GRK5: variants seen among roughly 807,000 people sequenced by gnomAD.
GRK5 encodes the protein g protein-coupled receptor kinase GRK5.
GRK5 carries 40 observed loss-of-function variants against 78.4 expected under a neutral mutation model. The observed-to-expected ratio is 0.51, with a 90% confidence interval of 0.40 to 0.66. The LOEUF is 0.66. Among genes scored for constraint, GRK5 ranks in the 30% least tolerant of loss-of-function variants. GRK5 has a pLI of 0.00. For synonymous variants in GRK5, 289 were observed against 296.8 expected (o/e 0.97, Z 0.27); for missense variants, 598 against 759.9 (o/e 0.79, Z 2.50).
At chr10:119,315,594 C>T (rs867435933) in intron 1 of GRK5, among the ~76,000 whole-genome samples, 3 of 152,224 alleles carry the variant, frequency 2.0e-5, no homozygotes, top group South Asian at 2.1e-4. Context: ...AGCCTCCCCA[C>T]GGTGATATTT....
intron 1 of GRK5, among the ~76,000 whole-genome samples, chr10:119,250,062 C>T (rs1849176461): frequency 6.6e-6 from 1 of 152,168 alleles, no homozygotes. Flanking sequence ...CTCAAAGAGC[C>T]TCTGACCTCC....
intron 4 of GRK5, among the ~76,000 whole-genome samples, chr10:119,401,790 G>C (rs1264538715): frequency 2.0e-5 from 3 of 152,232 alleles, no homozygotes; most frequent in African/African-American, 7.2e-5. Context: ...AGAGGCCAAG[G>C]AAGGGTCGGG....
chr10:119,413,418 C>T (rs1220284996), intron 4 of GRK5, among the ~76,000 whole-genome samples: 2 of 151,504 alleles, frequency 1.3e-5, no homozygotes, highest in East Asian at 3.9e-4. Flanking sequence ...CGCGTGCACA[C>T]ACACACACAC....
At chr10:119,265,686 A>G (rs953717207) in intron 1 of GRK5, among the ~76,000 whole-genome samples, 1 of 152,158 alleles carries the variant, frequency 6.6e-6, no homozygotes, top group Non-Finnish European at 1.5e-5. Flanking sequence ...GGAGTTCTCA[A>G]CCTCCATTGG....
intron 3 of GRK5, among the ~76,000 whole-genome samples, chr10:119,391,535 C>T (rs1000418554): frequency 1.3e-5 from 2 of 152,218 alleles, no homozygotes; most frequent in Non-Finnish European, 2.9e-5. Context: ...TCCACCACCC[C>T]GCAACCTGCA....
intron 2 of GRK5, among the ~76,000 whole-genome samples, chr10:119,327,154 C>G (rs907747842): frequency 2.6e-5 from 4 of 152,122 alleles, no homozygotes; most frequent in Non-Finnish European, 4.4e-5. Flanking sequence ...CTGGGGATGT[C>G]AGTGCTCCTG....
In GRK5 at chr10:119,322,325, C is replaced by T. The variant is rs576878591; in HGVS notation, c.53-4191C>T. ...GTCCTGTGCACAGCGCAATATTTAACCACATCCTTGGCCTGCACCCACTAG... is the reference window on the plus strand; with the variant it reads ...GTCCTGTGCACAGCGCAATATTTAATCACATCCTTGGCCTGCACCCACTAG... On this transcript the variant is annotated intron_variant, in intron 1 of 15. Transcript: ENST00000392870. Among the ~76,000 whole-genome samples, 10 of 152,322 alleles carry T rather than the reference C, an allele frequency of 6.6e-5. No homozygotes were observed. In the East Asian group the frequency reaches 1.9e-3, roughly 29 times the overall value.
Position 119,267,055 on chromosome 10 carries a change from C to T in GRK5, c.52+59086C>T, listed in dbSNP as rs1849509910. Among the ~76,000 whole-genome samples, 1 of 152,150 alleles carries T rather than the reference C, an allele frequency of 6.6e-6. No homozygotes were observed. Among genetic ancestry groups the T allele is most frequent in the East Asian group, 1.9e-4 (1 of 5,152 alleles). On this transcript the variant is annotated intron_variant, in intron 1 of 15. Coordinates refer to ENST00000392870, the MANE Select transcript of GRK5 (RefSeq NM_005308.3). The surrounding 1 kb of genome is among the most constrained non-coding windows in gnomAD (Gnocchi z 4.1). ...GGTCGGGAGTTCTAACCAGCCTGACCAACATGGAGAAACCCCATCTCTACT... is the reference window on the plus strand; with the variant it reads ...GGTCGGGAGTTCTAACCAGCCTGACTAACATGGAGAAACCCCATCTCTACT...
At chr10:119,230,433 C>T (rs1348358111) in intron 1 of GRK5, among the ~76,000 whole-genome samples, 1 of 152,104 alleles carries the variant, frequency 6.6e-6, no homozygotes, top group East Asian at 1.9e-4. Context: ...ACAATCATGG[C>T]AGAAGGCAAG....
rs555183966 is a variant in GRK5, at chr10:119,439,625, A to T, written c.930-106A>T. ...GAGCCAGGAGGTGGGAAGGAAACAC[A>T]CTGTGGCCACTCAGGCCTGATTAGC... On this transcript the variant is annotated intron_variant, in intron 9 of 15. Transcript: ENST00000392870. 3.1e-6 allele frequency: 3 copies of T among 969,128 alleles called. No individual in the cohort carries two copies. In the South Asian group the frequency reaches 4.2e-5, roughly 13 times the overall value. 60.0% of individuals were successfully genotyped at this position (969,128 alleles called of 1,614,324 possible). A position where few individuals can be genotyped will look rare whatever the true frequency, so the allele number is the denominator to read the frequency against.
intron 2 of GRK5, among the ~76,000 whole-genome samples, chr10:119,363,174 G>A (rs1279206742): frequency 5.9e-5 from 9 of 151,864 alleles, no homozygotes; most frequent in South Asian, 2.1e-4. Flanking sequence ...CCAGCTACTC[G>A]GGAGGCTGAG....
intron 2 of GRK5, 82 bp from the exon 3 acceptor site, chr10:119,380,733 T>G: frequency 1.2e-6 from 1 of 814,794 alleles, no homozygotes; most frequent in East Asian, 2.5e-5. Context: ...TCTAGGGCTC[T>G]GAGCCCAGGT....
intron 2 of GRK5, chr10:119,377,864 T>A (rs1353422612): frequency 6.5e-6 from 1 of 154,362 alleles, no homozygotes; most frequent in East Asian, 1.9e-4. Context: ...AAAATGGAAT[T>A]TGACACAAGG....
At chr10:119,275,611 T>TCTCTCG (rs574879389) in intron 1 of GRK5, among the ~76,000 whole-genome samples, 10,442 of 123,746 alleles carry the variant, frequency 0.084, 457 homozygotes, top group South Asian at 0.14. Context: ...TCTCTCTCTC[T>TCTCTCG]CGCACACACA....
intron 4 of GRK5, among the ~76,000 whole-genome samples, chr10:119,417,843 C>G (rs1852492919): frequency 6.6e-6 from 1 of 152,146 alleles, no homozygotes; most frequent in South Asian, 2.1e-4. Context: ...TACTTATGTT[C>G]CAAGTGATGG....
At chr10:119,272,566 A>C (rs1370211537) in intron 1 of GRK5, among the ~76,000 whole-genome samples, 1 of 120,008 alleles carries the variant, frequency 8.3e-6, no homozygotes, top group Non-Finnish European at 1.8e-5. Flanking sequence ...ACAGAGCAAG[A>C]TTCTATCTCA....
chr10:119,350,551 C>A (rs1013521503), intron 2 of GRK5, among the ~76,000 whole-genome samples: 1 of 152,234 alleles, frequency 6.6e-6, no homozygotes, highest in Non-Finnish European at 1.5e-5. Context: ...TCTTGCTTTG[C>A]GTTTCCCGAT....
At chr10:119,344,269 T>C (rs887509771) in intron 2 of GRK5, among the ~76,000 whole-genome samples, 2 of 152,108 alleles carry the variant, frequency 1.3e-5, no homozygotes, top group Non-Finnish European at 2.9e-5. Flanking sequence ...CATGTTGGTG[T>C]GCTGCACCCA....
At chr10:119,246,380 CT>C (rs1219730470) in intron 1 of GRK5, among the ~76,000 whole-genome samples, 1 of 151,966 alleles carries the variant, frequency 6.6e-6, no homozygotes, top group Non-Finnish European at 1.5e-5. Flanking sequence ...TTTTTTCCCC[CT>C]CAAGAGTTTT....
Sources: allele counts gnomAD v4.1 joint callset (sites outside exome capture counted in the v4.1 genomes callset), GRCh38; gene constraint gnomAD v4.1.1; non-coding constraint Gnocchi (gnomAD v3.1); transcripts MANE v1.5; gene names NCBI Gene and HGNC (gene_info 2026-07-23, HGNC 2026-07-21).